Variants in RBFOX1 observed in about 807,000 individuals in gnomAD.
RBFOX1 encodes the protein RNA binding protein fox-1 homolog 1.
A neutral mutation model predicts 57.7 loss-of-function variants in RBFOX1; 8 were observed. That is an observed-to-expected ratio of 0.14 (90% confidence interval 0.08 to 0.25). The LOEUF is 0.25. Among genes scored for constraint, RBFOX1 ranks in the 10% least tolerant of loss-of-function variants. The pLI is 1.00. For synonymous variants in RBFOX1, 326 were observed against 222.4 expected (o/e 1.47, Z -4.15); for missense variants, 611 against 548.5 (o/e 1.11, Z -1.14).
intron 1 of RBFOX1, among the ~76,000 whole-genome samples, chr16:6,238,045 C>G (rs1026235721): frequency 6.9e-6 from 1 of 144,974 alleles, no homozygotes; most frequent in Non-Finnish European, 1.5e-5. Flanking sequence ...AAGCTGAAAT[C>G]GCGCCACTGT....
At chr16:5,685,984 G>A (rs66705462) in intron 3 of RBFOX1, among the ~76,000 whole-genome samples, 31,422 of 152,132 alleles carry the variant, frequency 0.21, 4,345 homozygotes, top group East Asian at 0.65. Context: ...GGTGTATTTC[G>A]TGATAGACTA....
chr16:6,541,673 G>C (rs1321817338), intron 2 of RBFOX1, among the ~76,000 whole-genome samples: 1 of 152,206 alleles, frequency 6.6e-6, no homozygotes, highest in East Asian at 1.9e-4. Flanking sequence ...GGAAGAGCAA[G>C]AATATCAATT....
At chr16:7,028,304 G>A (rs1238381690) in intron 3 of RBFOX1, among the ~76,000 whole-genome samples, 1 of 152,136 alleles carries the variant, frequency 6.6e-6, no homozygotes, top group East Asian at 1.9e-4. Context: ...CTCTGACTTG[G>A]TATAAATGGG....
At chr16:7,647,555 A>AG (rs202125852) in intron 11 of RBFOX1, among the ~76,000 whole-genome samples, 85,005 of 151,734 alleles carry the variant, frequency 0.56, 24,397 homozygotes, top group Middle Eastern at 0.68. Flanking sequence ...GGAAAAAAAA[A>AG]AAAAAAGCAA....
intron 2 of RBFOX1, among the ~76,000 whole-genome samples, chr16:6,642,460 G>A (rs2993): frequency 6.6e-6 from 1 of 151,742 alleles, no homozygotes; most frequent in African/African-American, 2.4e-5. Flanking sequence ...CAGGGATGCC[G>A]TTCTCGGTAC....
At chr16:7,014,865 C>A (rs183097074) in intron 3 of RBFOX1, among the ~76,000 whole-genome samples, 5 of 152,228 alleles carry the variant, frequency 3.3e-5, no homozygotes, top group Admixed American at 3.3e-4. Flanking sequence ...GCTGAGATTA[C>A]AGGCATGTGC....
At chr16:6,682,871 A>AAC (rs1491433033) in intron 3 of RBFOX1, among the ~76,000 whole-genome samples, 2 of 51,784 alleles carry the variant, frequency 3.9e-5, no homozygotes, top group African/African-American at 2.5e-4. Flanking sequence ...GAAAAGAATT[A>AAC]AAAAAAAAAA....
chr16:5,852,133 G>A (rs922623539), intron 3 of RBFOX1, among the ~76,000 whole-genome samples: 1 of 152,152 alleles, frequency 6.6e-6, no homozygotes, highest in Non-Finnish European at 1.5e-5. Context: ...AGTTAACCGG[G>A]TTTTTCCCCC....
chr16:5,392,807 C>T lies in RBFOX1; in HGVS notation c.220-74409C>T, dbSNP rs1012793384. Reference sequence around the variant, plus strand: ...GTCTGTTGTACACTCGCCCCTGACCCTGTGGGCAGCAGGAGCACCTCAGGG... The same window carrying T: ...GTCTGTTGTACACTCGCCCCTGACCTTGTGGGCAGCAGGAGCACCTCAGGG... On this transcript the variant is annotated intron_variant, in intron 1 of 2. Transcript: ENST00000585867. 1.2e-4 allele frequency among the ~76,000 whole-genome samples: 18 copies of T among 152,184 alleles called. 1 individual carries two copies. The highest frequency in any genetic ancestry group is 4.3e-4 in the African/African-American group (18 of 41,428).
intron 1 of RBFOX1, among the ~76,000 whole-genome samples, chr16:6,095,891 G>A (rs533091187): frequency 5.8e-4 from 89 of 152,232 alleles, no homozygotes; most frequent in African/African-American, 1.9e-3. Flanking sequence ...ATCTCCTGGC[G>A]TGCCTTCCCA....
intron 12 of RBFOX1, among the ~76,000 whole-genome samples, chr16:7,655,684 A>G (rs1038993973): frequency 2.0e-5 from 3 of 152,022 alleles, no homozygotes; most frequent in Non-Finnish European, 4.4e-5. Flanking sequence ...TTTGTATGCT[A>G]TAAATCCAAA....
intron 3 of RBFOX1, among the ~76,000 whole-genome samples, chr16:6,849,031 T>C (rs545893798): frequency 6.6e-6 from 1 of 152,210 alleles, no homozygotes; most frequent in Non-Finnish European, 1.5e-5. Flanking sequence ...TGGCCAGGCT[T>C]ACGTGTCCCT....
rs139080208 is a variant in RBFOX1 at position 7,598,200 on chromosome 16, A to G, written c.622+769A>G. ...CTTAATTGTACCAAAAATTAAAGCA[A>G]TGCAGTAAGTTAAAGTATATACACA... On this transcript the variant is annotated intron_variant, in intron 9 of 15. Coordinates refer to ENST00000550418, the MANE Select transcript of RBFOX1 (RefSeq NM_018723.4). Among the ~76,000 whole-genome samples, 924 of 152,318 alleles carry G rather than the reference A, an allele frequency of 6.1e-3. 9 individuals carry two copies. Among genetic ancestry groups the G allele is most frequent in the African/African-American group, 0.021 (877 of 41,558 alleles).
intron 3 of RBFOX1, among the ~76,000 whole-genome samples, chr16:6,781,396 T>C (rs2080995911): frequency 6.6e-6 from 1 of 152,164 alleles, no homozygotes; most frequent in Admixed American, 6.5e-5. Flanking sequence ...TCTTTTTTCG[T>C]TGTGTATTTG....
At chr16:6,699,813 C>G (rs762487472) in intron 3 of RBFOX1, among the ~76,000 whole-genome samples, 1 of 152,070 alleles carries the variant, frequency 6.6e-6, no homozygotes, top group East Asian at 1.9e-4. Flanking sequence ...AAGAAAAACT[C>G]ATGATGGTTG....
chr16:6,853,005 C>T (rs1449062249), intron 3 of RBFOX1, among the ~76,000 whole-genome samples: 1 of 152,156 alleles, frequency 6.6e-6, no homozygotes, highest in Admixed American at 6.5e-5. Flanking sequence ...GACAATCTCA[C>T]TGGCAGAATT....
At chr16:6,904,599 T>TTAA (rs1366471899) in intron 3 of RBFOX1, among the ~76,000 whole-genome samples, 2 of 64,006 alleles carry the variant, frequency 3.1e-5, no homozygotes, top group South Asian at 7.4e-4. Context: ...AGACTCTCTC[T>TTAA]AAAAAAAAAA....
At position 6,969,876 on chromosome 16, in the gene RBFOX1, G is replaced by C. The variant is rs570656022; in HGVS notation, c.-15-82181G>C. On this transcript the variant is annotated intron_variant, in intron 3 of 15. Coordinates refer to ENST00000550418, the MANE Select transcript of RBFOX1 (RefSeq NM_018723.4). ...GTGTGAACCATTGTACTAATTGATGGGTATGCAATGTTGTGTCACTTGAGA... is the reference window on the plus strand; with the variant it reads ...GTGTGAACCATTGTACTAATTGATGCGTATGCAATGTTGTGTCACTTGAGA... Among the ~76,000 whole-genome samples, 13 of 152,188 alleles carry C rather than the reference G, an allele frequency of 8.5e-5. 1 individual carries two copies. In the South Asian group the frequency reaches 1.0e-3, roughly 12 times the overall value.
intron 4 of RBFOX1, among the ~76,000 whole-genome samples, chr16:5,900,918 A>G (rs952206224): frequency 2.6e-5 from 4 of 152,240 alleles, no homozygotes; most frequent in African/African-American, 4.8e-5. Flanking sequence ...TAATAGAACA[A>G]ATCTTTCCCT....
Sources: gnomAD v4.1 joint callset for allele counts (sites outside exome capture counted in the v4.1 genomes callset) on GRCh38, gnomAD v4.1.1 for gene constraint, MANE v1.5 for transcripts, NCBI Gene and HGNC (gene_info 2026-07-23, HGNC 2026-07-21) for gene names.